The following EYS variants were observed in gnomAD, a reference collection of about 807,000 sequenced individuals.
EYS encodes EGF-like photoreceptor maintenance factor.
EYS carries 250 observed loss-of-function variants against 282.1 expected under a neutral mutation model. The ratio of observed to expected loss-of-function variants is 0.89; its 90% CI spans 0.80 to 0.98. The LOEUF (loss-of-function observed/expected upper bound fraction) is 0.98, where lower values mean the gene tolerates loss of function less well. Ranked by LOEUF, EYS falls within the 50% of genes least tolerant of loss-of-function variation. The probability of loss-of-function intolerance (pLI) is 0.00; values close to 1 mark genes in which losing one functional copy is unlikely to be tolerated. For synonymous variants in EYS, 1,355 were observed against 1,282.9 expected, an observed-to-expected ratio of 1.06 and a Z score of -1.20; for missense variants, 4,016 against 3,709.0, an observed-to-expected ratio of 1.08 and a Z score of -2.15.
At chr6:64,386,292 A>G (rs1203425694) in intron 29 of EYS, among the ~76,000 whole-genome samples, 8 of 152,192 alleles carry the variant, frequency 5.3e-5, no homozygotes, top group Admixed American at 6.5e-5. Context: ...GAGACAGGGT[A>G]ATTGATAAAG....
chr6:64,022,354 A>T (rs1769232390), intron 33 of EYS, among the ~76,000 whole-genome samples: 1 of 152,236 alleles, frequency 6.6e-6, no homozygotes, highest in African/African-American at 2.4e-5. Context: ...GGTATCCAGA[A>T]TCTATTCATG....
At chr6:65,001,942 T>A (rs1262255621) in intron 13 of EYS, among the ~76,000 whole-genome samples, 1 of 147,186 alleles carries the variant, frequency 6.8e-6, no homozygotes, top group African/African-American at 2.4e-5. Context: ...TAATATATTA[T>A]GGTTTCAAAA....
chr6:64,070,123 T>C (rs1236273105), intron 32 of EYS, among the ~76,000 whole-genome samples: 2 of 152,096 alleles, frequency 1.3e-5, no homozygotes, highest in Admixed American at 1.3e-4. Flanking sequence ...TTCAAATACA[T>C]ACAAACTGGA....
intron 29 of EYS, among the ~76,000 whole-genome samples, chr6:64,354,179 T>C (rs554049004): frequency 7.9e-5 from 12 of 151,774 alleles, no homozygotes; most frequent in Admixed American, 1.3e-4. Flanking sequence ...CCTGATTTAT[T>C]TGAGCAAACT....
chr6:65,475,756 G>GACACACACACACACACAC (rs545961939), intron 5 of EYS, among the ~76,000 whole-genome samples: 1 of 145,896 alleles, frequency 6.9e-6, no homozygotes, highest in African/African-American at 2.6e-5. Context: ...CAGACAGACA[G>GACACACACACACACACAC]ACACACACAC....
chr6:65,658,946 A>C (rs1767917747), intron 1 of EYS, among the ~76,000 whole-genome samples: 1 of 151,518 alleles, frequency 6.6e-6, no homozygotes. Context: ...AAAGGTCTAG[A>C]AGGTTTGTTT....
chr6:64,743,810 T>C (rs1342717583), intron 22 of EYS, among the ~76,000 whole-genome samples: 1 of 152,076 alleles, frequency 6.6e-6, no homozygotes, highest in African/African-American at 2.4e-5. Context: ...ATTGATAATC[T>C]TAACTTAAAA....
At chr6:65,518,106 A>G (rs189581951) in intron 2 of EYS, among the ~76,000 whole-genome samples, 18 of 152,256 alleles carry the variant, frequency 1.2e-4, no homozygotes, top group African/African-American at 4.3e-4. Flanking sequence ...ATAAATGAAG[A>G]AACTGAGTCT....
chr6:63,875,698 G>T (rs941374681), intron 35 of EYS, among the ~76,000 whole-genome samples: 7 of 152,112 alleles, frequency 4.6e-5, no homozygotes, highest in African/African-American at 1.7e-4. Context: ...GTTTAGTCTT[G>T]GGAGGGTGTA....
chr6:64,003,294 G>A (rs1338374322), intron 33 of EYS, among the ~76,000 whole-genome samples: 3 of 152,184 alleles, frequency 2.0e-5, no homozygotes, highest in African/African-American at 7.2e-5. Flanking sequence ...GTTACCAGAG[G>A]CTGAGAAGTG....
At chr6:64,097,210 TGAG>T (rs1191709416) in intron 31 of EYS, among the ~76,000 whole-genome samples, 1 of 152,128 alleles carries the variant, frequency 6.6e-6, no homozygotes, top group African/African-American at 2.4e-5. Flanking sequence ...GGGACCCACT[TGAG>T]GAGGCAGTCT....
intron 1 of EYS, among the ~76,000 whole-genome samples, chr6:65,686,506 TTGTGCTAGC>T (rs1188313293): frequency 6.6e-6 from 1 of 152,106 alleles, no homozygotes; most frequent in Non-Finnish European, 1.5e-5. Context: ...GCTTCTGTGC[TTGTGCTAGC>T]ACACACACAA....
At chr6:65,489,136 C>T (rs535240984) in intron 5 of EYS, among the ~76,000 whole-genome samples, 32 of 152,170 alleles carry the variant, frequency 2.1e-4, no homozygotes, top group African/African-American at 6.7e-4. Flanking sequence ...TGGGATCTAA[C>T]TAAACTAAAG....
chr6:64,262,449 C>T (rs1284589213), intron 30 of EYS, among the ~76,000 whole-genome samples: 1 of 151,690 alleles, frequency 6.6e-6, no homozygotes, highest in Non-Finnish European at 1.5e-5. Flanking sequence ...ATTATTAGCA[C>T]TACTCCTTTA....
At chr6:65,645,383 C>T (rs1767414877) in intron 1 of EYS, among the ~76,000 whole-genome samples, 1 of 152,122 alleles carries the variant, frequency 6.6e-6, no homozygotes. Context: ...CAAAAGGAAC[C>T]TTCAAAACCA....
At chr6:64,363,865 T>C (rs952278079) in intron 29 of EYS, among the ~76,000 whole-genome samples, 10 of 151,912 alleles carry the variant, frequency 6.6e-5, no homozygotes, top group Non-Finnish European at 1.3e-4. Context: ...TGAAGATTTA[T>C]AAAGACCAAA....
chr6:65,336,254 T>C lies in EYS; in HGVS notation c.1600-1108A>G, dbSNP rs377553588. On this transcript the variant is annotated intron_variant, in intron 10 of 42. Coordinates refer to ENST00000503581, the MANE Select transcript of EYS (RefSeq NM_001142800.2). The stretch of plus-strand genomic sequence containing the variant: ...CAAATAAACTCTTCTTTCTACTGTT[T>C]AGTCTTTTTGGTAGTCTTTTGGATG... 2.0e-5 allele frequency among the ~76,000 whole-genome samples: 3 copies of C among 151,912 alleles called. No homozygotes were observed. In the East Asian group the frequency reaches 5.8e-4, roughly 30 times the overall value.
intron 1 of EYS, among the ~76,000 whole-genome samples, chr6:65,655,643 C>T (rs1264630550): frequency 6.6e-6 from 1 of 151,592 alleles, no homozygotes; most frequent in Non-Finnish European, 1.5e-5. Context: ...TTTGCTGATG[C>T]TGTGTGTTTT....
At chr6:65,545,864 C>A (rs1768365227) in intron 2 of EYS, among the ~76,000 whole-genome samples, 1 of 152,020 alleles carries the variant, frequency 6.6e-6, no homozygotes, top group South Asian at 2.1e-4. Context: ...CAAGATTATA[C>A]AAGATTTGAT....
Sources: gnomAD v4.1 joint callset for allele counts (sites outside exome capture counted in the v4.1 genomes callset) on GRCh38, gnomAD v4.1.1 for gene constraint, MANE v1.5 for transcripts, NCBI Gene and HGNC (gene_info 2026-07-23, HGNC 2026-07-21) for gene names.